GRWD1: variants seen among roughly 807,000 people sequenced by gnomAD.
GRWD1 encodes the protein glutamate rich WD repeat containing 1.
In GRWD1, 29 loss-of-function variants were observed where a neutral mutation model predicts 45.3. That is an observed-to-expected ratio of 0.64 (90% CI 0.48 to 0.87). The LOEUF (loss-of-function observed/expected upper bound fraction) is 0.87. Ranked by LOEUF, GRWD1 falls within the 40% of genes least tolerant of loss-of-function variation. The probability of loss-of-function intolerance (pLI) is 0.00; values close to 1 mark genes in which losing one functional copy is unlikely to be tolerated. For synonymous variants in GRWD1, 262 were observed against 257.6 expected (o/e 1.02, Z -0.16); for missense variants, 592 against 618.8 (o/e 0.96, Z 0.46).
chr19:48,451,293 T>C, intron 6 of GRWD1, 62 bp downstream of exon 6: 1 of 1,425,300 alleles, frequency 7.0e-7, no homozygotes, highest in South Asian at 1.4e-5. Flanking sequence ...CCCTGGGATT[T>C]GTAGGATTTT....
At chr19:48,447,661 G>A (rs747996464) in intron 3 of GRWD1, among the ~76,000 whole-genome samples, 13 of 152,208 alleles carry the variant, frequency 8.5e-5, no homozygotes, top group Non-Finnish European at 1.9e-4. Flanking sequence ...GATTACAAGC[G>A]TGAGCCACCA....
intron 3 of GRWD1, among the ~76,000 whole-genome samples, chr19:48,447,930 C>G (rs141894319): frequency 1.3e-5 from 2 of 152,178 alleles, no homozygotes; most frequent in Non-Finnish European, 2.9e-5. Context: ...TGTTACTATT[C>G]AGGAACTGTT....
Position 48,452,673 on chromosome 19 carries a change from A to G in GRWD1, c.1024-35A>G. 1 of 1,522,688 alleles carries G rather than the reference A, an allele frequency of 6.6e-7. No individual in the cohort carries two copies. The highest frequency in any genetic ancestry group is 8.9e-7 in the Non-Finnish European group (1 of 1,124,244). The allele number at this position is 1,522,688 out of a possible 1,614,324, so 94.3% of individuals were successfully genotyped here. A position where few individuals can be genotyped will look rare whatever the true frequency, so the allele number is the denominator to read the frequency against. Reference sequence around the variant, plus strand: ...GTCCTCCCCAGAGTCAGGCTGAGGCATTCAGAGCCCGTTCCTCCCATCCTC... The same window carrying G: ...GTCCTCCCCAGAGTCAGGCTGAGGCGTTCAGAGCCCGTTCCTCCCATCCTC... On this transcript the variant is annotated intron_variant, in intron 6 of 6. Transcript: ENST00000253237. The surrounding 1 kb of genome is among the most constrained non-coding windows in gnomAD (Gnocchi z 5.1).
rs530512885 is a variant in GRWD1, at chr19:48,454,330, C to T, written c.*1305C>T. On this transcript the variant is annotated 3_prime_UTR_variant, in exon 7 of 7. Transcript: ENST00000253237. ...TCGCTCCTCCGCCGCTGTCTCCTGTCCAGCCTGCCTGGGCTGTGGCCCAGC... is the reference window on the plus strand; with the variant it reads ...TCGCTCCTCCGCCGCTGTCTCCTGTTCAGCCTGCCTGGGCTGTGGCCCAGC... The T allele has an allele frequency of 6.6e-6, 1 of 152,342 alleles. No homozygotes were observed. The highest frequency in any genetic ancestry group is 1.5e-5 in the Non-Finnish European group (1 of 68,378). 9.4% of individuals were successfully genotyped at this position (152,342 alleles called of 1,614,324 possible). A position where few individuals can be genotyped will look rare whatever the true frequency, so the allele number is the denominator to read the frequency against.
rs1317757068 is a variant in GRWD1 at position 48,446,463 on chromosome 19, T to A, written c.266T>A (p.Leu89Ter). The A allele has an allele frequency of 2.5e-6, 4 of 1,614,152 alleles. No individual in the cohort carries two copies. The highest frequency in any genetic ancestry group is 3.3e-5 in the Admixed American group (2 of 60,022). Residue 89 changes from leucine (L) to a stop codon, truncating the protein, a stop_gained, in exon 2 of 7, where the codon TTG becomes TAG. Coordinates refer to ENST00000253237, the MANE Select transcript of GRWD1 (RefSeq NM_031485.4). LOFTEE classifies it high-confidence loss of function. ...ACAGAGCTTCCTCTTACACTTTACT[T>A]GTGTGCTGGGACCCAGGCTGAGAGC... ...NRTELPLTLY[L>*]CAGTQAESAQ...
rs1333682320 is a variant in GRWD1 at position 48,450,956 on chromosome 19, A to G, written c.826-78A>G. On this transcript the variant is annotated intron_variant, in intron 5 of 6. Transcript: ENST00000253237. The surrounding 1 kb of genome is among the most constrained non-coding windows in gnomAD (Gnocchi z 5.1). ...CATAGTAAGGGGAACAGTGAAAGAGAGAGTAGCCCACCGCTGGCGCTTGGG... is the reference window on the plus strand; with the variant it reads ...CATAGTAAGGGGAACAGTGAAAGAGGGAGTAGCCCACCGCTGGCGCTTGGG... 18 of 1,524,902 alleles carry G rather than the reference A, an allele frequency of 1.2e-5. No homozygotes were observed. The highest frequency in any genetic ancestry group is 1.5e-5 in the Non-Finnish European group (17 of 1,118,998). 94.5% of individuals were successfully genotyped at this position (1,524,902 alleles called of 1,614,324 possible). A position where few individuals can be genotyped will look rare whatever the true frequency, so the allele number is the denominator to read the frequency against.
In GRWD1 at chr19:48,451,164, G is replaced by A. The variant is rs2302951; in HGVS notation, c.956G>A (p.Arg319Gln). 0.15 allele frequency: 246,515 copies of A among 1,613,424 alleles called. 20,876 individuals are homozygous for A. The highest frequency in any genetic ancestry group is 0.36 in the Admixed American group (21,376 of 59,954). ...GTCAATGTCATCAGCTGGAGCCGCC[G>A]GGAGCCCTTCCTGCTCAGTGGCGGG... is the stretch of plus-strand genomic sequence containing the variant. Reference protein sequence around the residue: ...GDVNVISWSRREPFLLSGGDD... With the variant: ...GDVNVISWSRQEPFLLSGGDD... The change falls in exon 6 of 7, where the codon CGG becomes CAG. Residue 319 changes from arginine to glutamine, a missense_variant. By Grantham distance (43) the Arg-to-Gln change is conservative. Transcript: ENST00000253237.
Position 48,446,027 on chromosome 19 carries a change from C to T in GRWD1, c.22C>T (p.Arg8Trp). The change falls in exon 1 of 7, where the codon CGG becomes TGG. Residue 8 changes from arginine to tryptophan, a missense_variant. Coordinates refer to ENST00000253237, the MANE Select transcript of GRWD1 (RefSeq NM_031485.4). ...GAAGATGGCGGCGCGCAAGGGTCGG[C>T]GGCGCACGTGTGAAACCGGGGAACC... MAARKGRRRTCETGEPME... is the reference protein window; with the variant it reads MAARKGRWRTCETGEPME... 4 of 1,592,162 alleles carry T rather than the reference C, an allele frequency of 2.5e-6. No homozygotes were observed. The highest frequency in any genetic ancestry group is 1.3e-5 in the African/African-American group (1 of 74,696).
chr19:48,452,981 A>G lies in GRWD1; in HGVS notation c.1297A>G (p.Thr433Ala), dbSNP rs1173096239. 5.6e-6 allele frequency: 9 copies of G among 1,603,882 alleles called. No homozygotes were observed. In the African/African-American group the frequency reaches 9.4e-5, roughly 17 times the overall value. The change falls in exon 7 of 7, where the codon ACG becomes GCG. Residue 433 changes from threonine to alanine, a missense_variant. Transcript: ENST00000253237. This position sits in a 1 kb window ranked among gnomAD's most constrained non-coding sequence, Gnocchi z 5.1. ...GCAGTGCCCAGGGCTCCTGGTCAGC[A>G]CGGCGCTGTCAGGCTTCACCATCTT... Reference protein sequence around the residue: ...HPQCPGLLVSTALSGFTIFRT... With the variant: ...HPQCPGLLVSAALSGFTIFRT...
At position 48,453,116 on chromosome 19, in the gene GRWD1, G is replaced by C; in HGVS notation, c.*91G>C. 1 of 1,185,656 alleles carries C rather than the reference G, an allele frequency of 8.4e-7. No homozygotes were observed. The highest frequency in any genetic ancestry group is 1.2e-6 in the Non-Finnish European group (1 of 851,742). 73.4% of individuals were successfully genotyped at this position (1,185,656 alleles called of 1,614,324 possible). On this transcript the variant is annotated 3_prime_UTR_variant, in exon 7 of 7. Transcript: ENST00000253237. ...AGGGGTTCATTCAGGTCTGTTGACTGAGACTGGCCGGCCTGTGGGCTGCCG... is the reference window on the plus strand; with the variant it reads ...AGGGGTTCATTCAGGTCTGTTGACTCAGACTGGCCGGCCTGTGGGCTGCCG...
chr19:48,449,157 G>A (rs1233095996), intron 3 of GRWD1, among the ~76,000 whole-genome samples: 4 of 152,050 alleles, frequency 2.6e-5, no homozygotes, highest in African/African-American at 7.2e-5. Context: ...GCAATGGTGC[G>A]ATCTCGGCTC....
Position 48,450,510 on chromosome 19 carries a change from G to T in GRWD1, c.666G>T (p.Trp222Cys), listed in dbSNP as rs2147484914. 6.2e-7 allele frequency: 1 copy of T among 1,614,154 alleles called. No homozygotes were observed. Among genetic ancestry groups the T allele is most frequent in the Non-Finnish European group, 8.5e-7 (1 of 1,180,026 alleles). Residue 222 changes from tryptophan to cysteine, a missense_variant, in exon 4 of 7, where the codon TGG (tryptophan) becomes TGT (cysteine). Transcript: ENST00000253237. This position sits in a 1 kb window ranked among gnomAD's most constrained non-coding sequence, Gnocchi z 5.1. ...GHMGEGFALD[W>C]SPRVTGRLLT... ...TGGGCGAGGGCTTTGCCCTTGACTG[G>T]TCCCCCCGGGTGACCGGTGAGTCCC...
Position 48,453,155 on chromosome 19 carries a change from T to C in GRWD1, c.*130T>C, listed in dbSNP as rs1971495980. On this transcript the variant is annotated 3_prime_UTR_variant, in exon 7 of 7. Coordinates refer to ENST00000253237, the MANE Select transcript of GRWD1 (RefSeq NM_031485.4). The stretch of plus-strand genomic sequence containing the variant: ...TGTGGGCTGCCGTGATGGATTCTGT[T>C]TGACGTATTGTTCTCTAGAAGGCCT... The C allele has an allele frequency of 2.6e-6, 2 of 777,916 alleles. No individual in the cohort carries two copies. Among genetic ancestry groups the C allele is most frequent in the Non-Finnish European group, 4.0e-6 (2 of 497,266 alleles). 48.2% of individuals were successfully genotyped at this position (777,916 alleles called of 1,614,324 possible). A position where few individuals can be genotyped will look rare whatever the true frequency, so the allele number is the denominator to read the frequency against.
At position 48,446,107 on chromosome 19, in the gene GRWD1, G is replaced by C. The variant is rs777927195; in HGVS notation, c.102G>C (p.Leu34=). The change falls in exon 1 of 7, where the codon CTG becomes CTC. Residue 34 remains leucine, a synonymous_variant. Coordinates refer to ENST00000253237, the MANE Select transcript of GRWD1 (RefSeq NM_031485.4). ...TSSEGPAQVY[L]PGRGPPLREG... is the part of the protein sequence containing the mutation. ...CCGAGGGCCCGGCCCAGGTCTACCT[G>C]CCCGGCCGGGGGCCGCCGCTACGCG... 12 of 1,593,114 alleles carry C rather than the reference G, an allele frequency of 7.5e-6. No individual in the cohort carries two copies. In the Admixed American group the frequency reaches 1.5e-4, roughly 19 times the overall value.
intron 3 of GRWD1, among the ~76,000 whole-genome samples, chr19:48,449,013 G>A (rs1971441179): frequency 6.6e-6 from 1 of 152,150 alleles, no homozygotes; most frequent in African/African-American, 2.4e-5. Context: ...ATCCTGTGGG[G>A]AGACTTACGG....
At position 48,447,615 on chromosome 19, in the gene GRWD1, G is replaced by T. The variant is rs553807522; in HGVS notation, c.468+772G>T. Among the ~76,000 whole-genome samples, 6 of 152,014 alleles carry T rather than the reference G, an allele frequency of 3.9e-5. No individual in the cohort carries two copies. The South Asian group carries it at 1.2e-3, about 32-fold the overall frequency. On this transcript the variant is annotated intron_variant, in intron 3 of 6. Transcript: ENST00000253237. ...TGGTCTCAAACTCCTGACCTCGAGTGATTGATCCGCACGCCTCGGGCACCC... is the reference window on the plus strand; with the variant it reads ...TGGTCTCAAACTCCTGACCTCGAGTTATTGATCCGCACGCCTCGGGCACCC...
intron 3 of GRWD1, among the ~76,000 whole-genome samples, chr19:48,448,368 C>T (rs967764921): frequency 1.3e-5 from 2 of 152,200 alleles, no homozygotes; most frequent in Non-Finnish European, 2.9e-5. Flanking sequence ...CTGGGGCTGT[C>T]TGTTTCCATG....
Position 48,450,324 on chromosome 19 carries a change from G to A in GRWD1, c.480G>A (p.Leu160=), listed in dbSNP as rs1971455989. The change falls in exon 4 of 7, where the codon CTG becomes CTA. Residue 160 remains leucine (L), a synonymous_variant. Coordinates refer to ENST00000253237, the MANE Select transcript of GRWD1 (RefSeq NM_031485.4). The surrounding 1 kb of genome is among the most constrained non-coding windows in gnomAD (Gnocchi z 5.1). ...GGINRVRVSW[L]GEEPVAGVWS... ...CCGCTCTTCTGCAGGTGTCATGGCT[G>A]GGTGAAGAGCCTGTGGCTGGGGTGT... The A allele has an allele frequency of 3.1e-6, 5 of 1,611,808 alleles. No individual in the cohort carries two copies. The highest frequency in any genetic ancestry group is 4.2e-6 in the Non-Finnish European group (5 of 1,179,542).
chr19:48,448,623 G>A lies in GRWD1; in HGVS notation c.469-1690G>A, dbSNP rs78384256. On this transcript the variant is annotated intron_variant, in intron 3 of 6. Coordinates refer to ENST00000253237, the MANE Select transcript of GRWD1 (RefSeq NM_031485.4). Reference sequence around the variant, plus strand: ...AACAGTGTGGTTAGGAAAGTATTCTGTCATAAAATGCCATTTGCATAGATA... The same window carrying A: ...AACAGTGTGGTTAGGAAAGTATTCTATCATAAAATGCCATTTGCATAGATA... Among the ~76,000 whole-genome samples, 20 of 152,292 alleles carry A rather than the reference G, an allele frequency of 1.3e-4. No homozygotes were observed. The East Asian group carries it at 2.7e-3, about 21-fold the overall frequency.
Sources: gnomAD v4.1 joint callset for allele counts (sites outside exome capture counted in the v4.1 genomes callset) on GRCh38, gnomAD v4.1.1 for gene constraint, Gnocchi (gnomAD v3.1) non-coding constraint, MANE v1.5 for transcripts, NCBI Gene and HGNC (gene_info 2026-07-23, HGNC 2026-07-21) for gene names.